The following TNNI1 variants were observed in gnomAD, a reference collection of about 807,000 sequenced individuals.
TNNI1 encodes the protein troponin I1, slow skeletal type.
TNNI1 carries 14 observed loss-of-function variants against 26.7 expected under a neutral mutation model. That is an observed-to-expected ratio of 0.52 (90% CI 0.35 to 0.82). The LOEUF is 0.82. Among genes scored for constraint, TNNI1 ranks in the 40% least tolerant of loss-of-function variants. The pLI, the probability that TNNI1 is intolerant of heterozygous loss-of-function variation, is 0.01. For synonymous variants in TNNI1, 79 were observed against 98.2 expected (o/e 0.80, Z 1.16); for missense variants, 164 against 257.0 (o/e 0.64, Z 2.47).
In TNNI1 at chr1:201,410,403, C is replaced by T; in HGVS notation, c.489G>A (p.Lys163=). 1 of 1,614,220 alleles carries T rather than the reference C, an allele frequency of 6.2e-7. No homozygotes were observed. The highest frequency in any genetic ancestry group is 8.5e-7 in the Non-Finnish European group (1 of 1,180,028). Residue 163 remains lysine (K), a synonymous_variant, in exon 8 of 9, where the codon AAG becomes AAA. Coordinates refer to ENST00000361379, the MANE Select transcript of TNNI1 (RefSeq NM_003281.4). ...ERPVEVGDWR[K]NVEAMSGMEG... ...CCATGCCAGACATGGCCTCCACGTT[C>T]TTCCTCCAGTCACCCACCTCCACAG... is the stretch of plus-strand genomic sequence containing the variant.
chr1:201,413,093 A>C lies in TNNI1; in HGVS notation c.218T>G (p.Val73Gly). 1 of 1,613,830 alleles carries C rather than the reference A, an allele frequency of 6.2e-7. No individual in the cohort carries two copies. Among genetic ancestry groups the C allele is most frequent in the Admixed American group, 1.7e-5 (1 of 60,002 alleles). ...GTATCGCTCCTCATCCACCACCTCCACCTTGGCGTGCAGCTCCCGGCACAG... is the reference window on the plus strand; with the variant it reads ...GTATCGCTCCTCATCCACCACCTCCCCCTTGGCGTGCAGCTCCCGGCACAG... ...QDLCRELHAK[V>G]EVVDEERYDI... The change falls in exon 6 of 9, where the codon GTG (valine) becomes GGG (glycine). Residue 73 changes from valine to glycine, a missense_variant. By Grantham distance (109) the Val-to-Gly change is moderately radical. Around this residue, in one of 3 missense-constraint regions of TNNI1, gnomAD observed 117 missense variants for 158.7 expected, o/e 0.74. Coordinates refer to ENST00000361379, the MANE Select transcript of TNNI1 (RefSeq NM_003281.4).
intron 1 of TNNI1, among the ~76,000 whole-genome samples, chr1:201,420,505 G>A (rs905321336): frequency 3.3e-5 from 5 of 152,200 alleles, no homozygotes; most frequent in Admixed American, 1.3e-4. Context: ...GCTTTGCAGC[G>A]TGGAAGGGAC....
chr1:201,421,153 A>G (rs1406622351), intron 1 of TNNI1, among the ~76,000 whole-genome samples: 2 of 152,206 alleles, frequency 1.3e-5, no homozygotes, highest in Non-Finnish European at 2.9e-5. Flanking sequence ...GCTCAGAGAC[A>G]AAGAACACAG....
intron 3 of TNNI1, among the ~76,000 whole-genome samples, chr1:201,416,098 A>T (rs1354854472): frequency 6.6e-6 from 1 of 152,146 alleles, no homozygotes; most frequent in Non-Finnish European, 1.5e-5. Context: ...AGTAGAAGTG[A>T]TTAGGCTTTG....
chr1:201,409,590 G>A (rs775768951), intron 8 of TNNI1, among the ~76,000 whole-genome samples: 12 of 152,078 alleles, frequency 7.9e-5, no homozygotes, highest in East Asian at 3.9e-4. Context: ...GCTAACACTC[G>A]CTCGTCGCAT....
At chr1:201,416,434 A>G (rs1662741365) in intron 3 of TNNI1, among the ~76,000 whole-genome samples, 1 of 152,218 alleles carries the variant, frequency 6.6e-6, no homozygotes, top group African/African-American at 2.4e-5. Context: ...ATTCATATGA[A>G]TGTTGAAAAG....
At chr1:201,410,817 A>G (rs1046509352) in intron 7 of TNNI1, among the ~76,000 whole-genome samples, 3 of 152,066 alleles carry the variant, frequency 2.0e-5, no homozygotes, top group Non-Finnish European at 4.4e-5. Flanking sequence ...TCCTCAGTAT[A>G]TTGTCTGGCT....
intron 3 of TNNI1, 131 bp from the exon 4 acceptor site, chr1:201,415,385 C>A: frequency 1.1e-6 from 1 of 908,372 alleles, no homozygotes; most frequent in East Asian, 2.6e-5. Flanking sequence ...CCCTACGGTG[C>A]CTTAAAAGCT....
In TNNI1 at chr1:201,406,557, AC is replaced by A. The variant is rs1480168753; in HGVS notation, c.*2695del. ...ATTAAGGTGTACATGCTGGTGCCTGACGCATAAGTGTGCTACATGTGTGAGC... is the reference window on the plus strand; with the variant it reads ...ATTAAGGTGTACATGCTGGTGCCTGAGCATAAGTGTGCTACATGTGTGAGC... On this transcript the variant is annotated 3_prime_UTR_variant, in exon 9 of 9. Coordinates refer to ENST00000361379, the MANE Select transcript of TNNI1 (RefSeq NM_003281.4). 6.6e-6 allele frequency: 1 copy of A among 152,218 alleles called. No homozygotes were observed. Among genetic ancestry groups the A allele is most frequent in the East Asian group, 1.9e-4 (1 of 5,192 alleles). The allele number at this position is 152,218 out of a possible 1,614,324, so 9.4% of individuals were successfully genotyped here.
At chr1:201,413,685 C>T (rs957016815) in intron 5 of TNNI1, among the ~76,000 whole-genome samples, 5 of 152,022 alleles carry the variant, frequency 3.3e-5, no homozygotes, top group Non-Finnish European at 7.4e-5. Flanking sequence ...ACAGAGGTTG[C>T]AGTGAGCCAA....
chr1:201,416,232 G>A (rs1662738102), intron 3 of TNNI1, among the ~76,000 whole-genome samples: 1 of 152,134 alleles, frequency 6.6e-6, no homozygotes, highest in South Asian at 2.1e-4. Context: ...TTACATTTCA[G>A]ATAAGTGCAA....
At chr1:201,415,092 C>G in intron 4 of TNNI1, 121 bp downstream of exon 4, 1 of 908,310 alleles carries the variant, frequency 1.1e-6, no homozygotes, top group Middle Eastern at 3.4e-4. Flanking sequence ...TGCCCCTCAT[C>G]ATCCTCACTC....
At chr1:201,417,653 C>T (rs1023360600) in intron 2 of TNNI1, 130 bp downstream of exon 2, 1 of 706,308 alleles carries the variant, frequency 1.4e-6, no homozygotes, top group Non-Finnish European at 2.0e-6. Flanking sequence ...AGTGCTGCCC[C>T]TGTTTGAGGA....
At chr1:201,414,755 C>T in intron 4 of TNNI1, 106 bp from the exon 5 acceptor site, 1 of 1,542,198 alleles carries the variant, frequency 6.5e-7, no homozygotes, top group Non-Finnish European at 8.8e-7. Flanking sequence ...GACCACTGTC[C>T]AGTGTAGAAG....
rs535706387 is a variant in TNNI1, at chr1:201,411,725, G to A, written c.280-192C>T. ...GTTTTGTGGAAGACACTTTTTCCACGGAGAGGTGGTGGGGTGGTTTCAGGA... is the reference window on the plus strand; with the variant it reads ...GTTTTGTGGAAGACACTTTTTCCACAGAGAGGTGGTGGGGTGGTTTCAGGA... On this transcript the variant is annotated intron_variant, in intron 6 of 8. Coordinates refer to ENST00000361379, the MANE Select transcript of TNNI1 (RefSeq NM_003281.4). The surrounding 1 kb of genome is among the most constrained non-coding windows in gnomAD (Gnocchi z 4.6). Among the ~76,000 whole-genome samples the A allele has an allele frequency of 1.2e-4, 18 of 152,256 alleles. No individual in the cohort carries two copies. The highest frequency in any genetic ancestry group is 9.8e-4 in the Admixed American group (15 of 15,312).
intron 3 of TNNI1, among the ~76,000 whole-genome samples, chr1:201,415,751 C>T (rs547179923): frequency 3.3e-5 from 5 of 152,258 alleles, no homozygotes; most frequent in African/African-American, 9.6e-5. Context: ...ATAAATGAAA[C>T]GTATCTATGT....
At position 201,404,777 on chromosome 1, in the gene TNNI1, C is replaced by G. The variant is rs1328484618; in HGVS notation, c.*4476G>C. 6.6e-6 allele frequency: 1 copy of G among 152,308 alleles called. No individual in the cohort carries two copies. Among genetic ancestry groups the G allele is most frequent in the Non-Finnish European group, 1.5e-5 (1 of 68,070 alleles). 9.4% of individuals were successfully genotyped at this position (152,308 alleles called of 1,614,324 possible). On this transcript the variant is annotated 3_prime_UTR_variant, in exon 9 of 9. Coordinates refer to ENST00000361379, the MANE Select transcript of TNNI1 (RefSeq NM_003281.4). ...GAAGAGCATCTGGGAGGCACTAGTA[C>G]AGGGGACACACAGGTGTCTGTGACA...
In TNNI1 at chr1:201,406,441, T is replaced by A. The variant is rs1315597500; in HGVS notation, c.*2812A>T. Reference sequence around the variant, plus strand: ...TTATTAGCTGTGTGATCATGAAAAGTCCCTAACCTCTCTGTGCCTCAGTTT... The same window carrying A: ...TTATTAGCTGTGTGATCATGAAAAGACCCTAACCTCTCTGTGCCTCAGTTT... On this transcript the variant is annotated 3_prime_UTR_variant, in exon 9 of 9. Coordinates refer to ENST00000361379, the MANE Select transcript of TNNI1 (RefSeq NM_003281.4). 2 of 152,226 alleles carry A rather than the reference T, an allele frequency of 1.3e-5. No homozygotes were observed. Among genetic ancestry groups the A allele is most frequent in the Non-Finnish European group, 2.9e-5 (2 of 68,044 alleles). 9.4% of individuals were successfully genotyped at this position (152,226 alleles called of 1,614,324 possible).
At chr1:201,412,231 A>G (rs1238772960) in intron 6 of TNNI1, among the ~76,000 whole-genome samples, 4 of 152,064 alleles carry the variant, frequency 2.6e-5, no homozygotes, top group Non-Finnish European at 5.9e-5. Context: ...CTTCTAACTT[A>G]TTCCTCCCCA....
Sources: allele counts gnomAD v4.1 joint callset (sites outside exome capture counted in the v4.1 genomes callset), GRCh38; gene constraint gnomAD v4.1.1; regional missense constraint gnomAD v4.1.1; non-coding constraint Gnocchi (gnomAD v3.1); transcripts MANE v1.5; gene names NCBI Gene and HGNC (gene_info 2026-07-23, HGNC 2026-07-21).